Variants in CPNE5 observed in about 807,000 individuals in gnomAD.
CPNE5 encodes copine 5.
In CPNE5, 42 loss-of-function variants were observed where a neutral mutation model predicts 81.1. The ratio of observed to expected loss-of-function variants is 0.52; its 90% CI spans 0.40 to 0.67. The LOEUF is 0.67. Among genes scored for constraint, CPNE5 ranks in the 30% least tolerant of loss-of-function variants. The pLI, the probability that CPNE5 is intolerant of heterozygous loss-of-function variation, is 0.00. For synonymous variants in CPNE5, 313 were observed against 321.5 expected (o/e 0.97, Z 0.28); for missense variants, 612 against 815.5 (o/e 0.75, Z 3.04).
intron 6 of CPNE5, among the ~76,000 whole-genome samples, chr6:36,796,686 T>C (rs1439981066): frequency 6.6e-6 from 1 of 152,200 alleles, no homozygotes; most frequent in Admixed American, 6.5e-5. Context: ...GTATGCTTTT[T>C]TGCAAGAGGC....
Position 36,743,765 on chromosome 6 carries a change from G to A in CPNE5, c.1490-3C>T. 1.2e-6 allele frequency: 2 copies of A among 1,611,056 alleles called. No homozygotes were observed. The highest frequency in any genetic ancestry group is 1.7e-6 in the Non-Finnish European group (2 of 1,179,584). ...GTCGCCATCCAGCTCCACCATGGCT[G>A]TGAGGGGAGGAGTGTCATGGGGCGG... On this transcript the variant is annotated splice_polypyrimidine_tract_variant and splice_region_variant and intron_variant, in intron 19 of 20. Coordinates refer to ENST00000244751, the MANE Select transcript of CPNE5 (RefSeq NM_020939.2).
chr6:36,769,551 C>T (rs1043030047), intron 10 of CPNE5, among the ~76,000 whole-genome samples: 11 of 152,200 alleles, frequency 7.2e-5, no homozygotes, highest in African/African-American at 2.4e-4. Flanking sequence ...TTACAAGTCC[C>T]GAGGGCTGAC....
At chr6:36,774,897 T>C in intron 10 of CPNE5, 64 bp downstream of exon 10, 1 of 1,263,348 alleles carries the variant, frequency 7.9e-7, no homozygotes. Context: ...GGGGCCACCC[T>C]CACTTGTGCT....
rs202163362 is a variant in CPNE5, at chr6:36,746,477, G to A, written c.1119C>T (p.Tyr373=). ...LTAVGEIIQH[Y]DSDKMFPALG... is the part of the protein sequence containing the mutation. The stretch of plus-strand genomic sequence containing the variant: ...GGGCAGGGAACATCTTGTCACTGTC[G>A]TAGTGCTGGATGATCTCTCCGACGG... The change falls in exon 16 of 21, where the codon TAC becomes TAT. Residue 373 remains tyrosine (Y), a synonymous_variant. Transcript: ENST00000244751. This position sits in a 1 kb window ranked among gnomAD's most constrained non-coding sequence, Gnocchi z 4.5. 1.6e-4 allele frequency: 253 copies of A among 1,613,534 alleles called. No homozygotes were observed. Among genetic ancestry groups the A allele is most frequent in the Non-Finnish European group, 2.0e-4 (234 of 1,179,800 alleles).
chr6:36,763,199 G>A (rs1766221333), intron 11 of CPNE5, among the ~76,000 whole-genome samples: 1 of 152,242 alleles, frequency 6.6e-6, no homozygotes, highest in African/African-American at 2.4e-5. Flanking sequence ...CCAGTAAAGA[G>A]CAGGGCCCTG....
chr6:36,827,229 C>T (rs1583034652), intron 1 of CPNE5: 1 of 681,482 alleles, frequency 1.5e-6, no homozygotes, highest in Admixed American at 6.3e-5. Flanking sequence ...CTGCGCCCTA[C>T]ACCCTCTGAT....
intron 14 of CPNE5, among the ~76,000 whole-genome samples, chr6:36,750,250 C>T (rs1478187683): frequency 6.6e-6 from 1 of 152,206 alleles, no homozygotes; most frequent in Admixed American, 6.5e-5. Context: ...GAAACCACAG[C>T]TCTATCAGCC....
intron 8 of CPNE5, among the ~76,000 whole-genome samples, chr6:36,783,459 A>C (rs1376336047): frequency 1.3e-5 from 2 of 150,792 alleles, no homozygotes; most frequent in Non-Finnish European, 2.9e-5. Flanking sequence ...TAATTCATTG[A>C]ATCCTTTCGA....
chr6:36,749,403 G>C lies in CPNE5; in HGVS notation c.972-1136C>G, dbSNP rs188003476. ...AAACAAACCAATTTTAAAACTATAA[G>C]ATAATTGGGGAGATGTAAACATTTA... On this transcript the variant is annotated intron_variant, in intron 14 of 20. Coordinates refer to ENST00000244751, the MANE Select transcript of CPNE5 (RefSeq NM_020939.2). Among the ~76,000 whole-genome samples the C allele has an allele frequency of 4.7e-3, 715 of 152,262 alleles. 7 individuals are homozygous for C. Among genetic ancestry groups the C allele is most frequent in the African/African-American group, 0.015 (639 of 41,548 alleles).
intron 3 of CPNE5, among the ~76,000 whole-genome samples, chr6:36,805,664 G>A (rs77181481): frequency 1.3e-5 from 2 of 152,088 alleles, no homozygotes; most frequent in Non-Finnish European, 2.9e-5. Flanking sequence ...GGCTGGGACG[G>A]TCTCCTACTG....
intron 7 of CPNE5, among the ~76,000 whole-genome samples, chr6:36,793,515 C>A (rs1045417529): frequency 3.3e-5 from 5 of 152,158 alleles, no homozygotes; most frequent in Non-Finnish European, 7.4e-5. Flanking sequence ...TCCATCTGTT[C>A]CTCTCTTTGC....
chr6:36,782,332 C>CA (rs1163167876), intron 8 of CPNE5, among the ~76,000 whole-genome samples: 1 of 152,162 alleles, frequency 6.6e-6, no homozygotes, highest in Non-Finnish European at 1.5e-5. Flanking sequence ...ACAGAGGCCA[C>CA]AAAATCCAGA....
At chr6:36,831,663 C>A (rs1773004515) in intron 1 of CPNE5, among the ~76,000 whole-genome samples, 1 of 144,256 alleles carries the variant, frequency 6.9e-6, no homozygotes, top group Non-Finnish European at 1.5e-5. Flanking sequence ...AAAAAGGCCT[C>A]TCAATAGCAA....
At chr6:36,748,597 G>A (rs529449188) in intron 14 of CPNE5, among the ~76,000 whole-genome samples, 1 of 152,074 alleles carries the variant, frequency 6.6e-6, no homozygotes, top group Non-Finnish European at 1.5e-5. Context: ...GTGAGGTTGG[G>A]TCTCATTGGA....
intron 12 of CPNE5, chr6:36,757,416 G>A: frequency 4.1e-6 from 4 of 966,664 alleles, no homozygotes; most frequent in Non-Finnish European, 4.9e-6. Flanking sequence ...CTTCCAGCAA[G>A]AAGGAAACTA....
At chr6:36,796,458 C>T (rs1488582352) in intron 6 of CPNE5, among the ~76,000 whole-genome samples, 1 of 152,208 alleles carries the variant, frequency 6.6e-6, no homozygotes, top group African/African-American at 2.4e-5. Context: ...CACCCTCCCT[C>T]ATAGGGCATC....
intron 7 of CPNE5, among the ~76,000 whole-genome samples, chr6:36,794,169 G>C (rs1256458758): frequency 7.2e-6 from 1 of 138,900 alleles, no homozygotes; most frequent in Non-Finnish European, 1.5e-5. Context: ...CAAGGGAGGG[G>C]AACAGGGGGG....
chr6:36,805,307 G>A (rs953252617), intron 3 of CPNE5, among the ~76,000 whole-genome samples: 7 of 152,318 alleles, frequency 4.6e-5, no homozygotes, highest in East Asian at 3.9e-4. Context: ...CTCACCACCC[G>A]TAATACAGAG....
At chr6:36,818,678 A>G (rs946081832) in intron 3 of CPNE5, among the ~76,000 whole-genome samples, 27 of 152,198 alleles carry the variant, frequency 1.8e-4, no homozygotes, top group African/African-American at 6.0e-4. Flanking sequence ...AACTTGCTCT[A>G]GGCCCCACCT....
Sources: allele counts gnomAD v4.1 joint callset (sites outside exome capture counted in the v4.1 genomes callset), GRCh38; gene constraint gnomAD v4.1.1; non-coding constraint Gnocchi (gnomAD v3.1); transcripts MANE v1.5; gene names NCBI Gene and HGNC (gene_info 2026-07-23, HGNC 2026-07-21).